The following PACS1 variants were observed in gnomAD, a reference collection of about 807,000 sequenced individuals.
PACS1 encodes the protein PACS-1.
In PACS1, 24 loss-of-function variants were observed where a neutral mutation model predicts 115.0. The ratio of observed to expected loss-of-function variants is 0.21; its 90% CI spans 0.15 to 0.29. PACS1 has a LOEUF of 0.29. PACS1 is among the 10% of genes least tolerant of loss of function. PACS1 has a pLI of 1.00. For missense variants in PACS1, 838 were observed against 1,251.2 expected, an observed-to-expected ratio of 0.67 and a Z score of 4.98; for synonymous variants, 453 against 504.5, an observed-to-expected ratio of 0.90 and a Z score of 1.37.
At chr11:66,180,668 C>G (rs1859989363) in intron 1 of PACS1, among the ~76,000 whole-genome samples, 1 of 151,690 alleles carries the variant, frequency 6.6e-6, no homozygotes, top group Admixed American at 6.6e-5. Flanking sequence ...TTTTTACTTA[C>G]TTAATTTTGA....
chr11:66,194,273 G>T (rs1204162863), intron 2 of PACS1, among the ~76,000 whole-genome samples: 1 of 152,080 alleles, frequency 6.6e-6, no homozygotes, highest in African/African-American at 2.4e-5. Context: ...CTGCACTTCA[G>T]AGGTTTTCTA....
chr11:66,177,644 T>C (rs1462434569), intron 1 of PACS1, among the ~76,000 whole-genome samples: 2 of 152,120 alleles, frequency 1.3e-5, no homozygotes, highest in Non-Finnish European at 2.9e-5. Context: ...CTGGTCTTGC[T>C]CTGTCATCCA....
At chr11:66,238,234 C>G in intron 19 of PACS1, 1 of 985,344 alleles carries the variant, frequency 1.0e-6, no homozygotes, top group Non-Finnish European at 1.2e-6. Context: ...GGTGTCCACA[C>G]CTTAGCACGT....
intron 16 of PACS1, 74 bp from the exon 17 acceptor site, chr11:66,234,058 G>T: frequency 6.6e-7 from 1 of 1,525,282 alleles, no homozygotes; most frequent in Non-Finnish European, 9.1e-7. Flanking sequence ...GACCAAGGCC[G>T]TGGCCAGGGA....
At chr11:66,129,799 C>T (rs958734082) in intron 1 of PACS1, among the ~76,000 whole-genome samples, 1 of 152,118 alleles carries the variant, frequency 6.6e-6, no homozygotes, top group African/African-American at 2.4e-5. Flanking sequence ...CTCCTTGCAG[C>T]TGTAGAGTCA....
At chr11:66,213,309 G>A (rs765209419) in intron 4 of PACS1, among the ~76,000 whole-genome samples, 1 of 152,124 alleles carries the variant, frequency 6.6e-6, no homozygotes, top group Non-Finnish European at 1.5e-5. Flanking sequence ...TTGGCCCATG[G>A]GAGCCCCTTC....
chr11:66,125,297 AAAATT>A (rs1222945143), intron 1 of PACS1, among the ~76,000 whole-genome samples: 1 of 152,166 alleles, frequency 6.6e-6, no homozygotes, highest in African/African-American at 2.4e-5. Context: ...ACGGAAATAA[AAAATT>A]AAAGTACCAC....
In PACS1 at chr11:66,233,126, A is replaced by G. The variant is rs1855633818; in HGVS notation, c.1838+60A>G. ...AGATTCCCTCTGACCTCATCTTCCA[A>G]CCCTGACTTCTAAGCAATGATAGAC... On this transcript the variant is annotated intron_variant, in intron 15 of 23. Transcript: ENST00000320580. The surrounding 1 kb of genome is among the most constrained non-coding windows in gnomAD (Gnocchi z 4.5). 3.9e-6 allele frequency: 5 copies of G among 1,271,314 alleles called. No individual in the cohort carries two copies. In the East Asian group the frequency reaches 1.2e-4, roughly 30 times the overall value. The allele number at this position is 1,271,314 out of a possible 1,614,324, so 78.8% of individuals were successfully genotyped here.
At chr11:66,240,596 G>A (rs969499119) in intron 21 of PACS1, among the ~76,000 whole-genome samples, 2 of 151,970 alleles carry the variant, frequency 1.3e-5, no homozygotes, top group African/African-American at 2.4e-5. Context: ...GTCTTCTGGA[G>A]GGAACAGTAG....
At chr11:66,200,334 G>T (rs1854757030) in intron 2 of PACS1, among the ~76,000 whole-genome samples, 1 of 152,186 alleles carries the variant, frequency 6.6e-6, no homozygotes, top group African/African-American at 2.4e-5. Flanking sequence ...TTGGGCAACA[G>T]AGTGAGACGC....
chr11:66,080,543 G>A (rs1324419286), intron 1 of PACS1, among the ~76,000 whole-genome samples: 2 of 152,170 alleles, frequency 1.3e-5, no homozygotes, highest in African/African-American at 4.8e-5. Flanking sequence ...CCAGAGCCAG[G>A]TGCTACGATC....
chr11:66,108,262 G>C (rs75508050), intron 1 of PACS1, among the ~76,000 whole-genome samples: 2 of 152,124 alleles, frequency 1.3e-5, no homozygotes, highest in African/African-American at 2.4e-5. Flanking sequence ...GTCTTCATGT[G>C]GCCTTTCCTC....
chr11:66,212,355 T>A (rs1233293135), intron 4 of PACS1, among the ~76,000 whole-genome samples: 1 of 151,476 alleles, frequency 6.6e-6, no homozygotes, highest in East Asian at 1.9e-4. Flanking sequence ...GATGGTCTCA[T>A]TCTCCTGACC....
chr11:66,070,573 T>TCAGCAGCCGCCGCCGCAGCAGCAGCAG lies in PACS1; in HGVS notation c.101_127dup (p.Pro34_Pro42dup), dbSNP rs1438611816. Reference sequence around the variant, plus strand: ...GGGGATCCGGGGTCGCCCAGTCCCCTCAGCAGCCGCCGCCGCAGCAGCAGC... The same window carrying TCAGCAGCCGCCGCCGCAGCAGCAGCAG: ...GGGGATCCGGGGTCGCCCAGTCCCCTCAGCAGCCGCCGCCGCAGCAGCAGCAGCAGCAGCCGCCGCCGCAGCAGCAGC... On this transcript the variant is annotated inframe_insertion, in exon 1 of 24. Coordinates refer to ENST00000320580, the MANE Select transcript of PACS1 (RefSeq NM_018026.4). The surrounding 1 kb of genome is among the most constrained non-coding windows in gnomAD (Gnocchi z 5.9). 72 of 1,486,668 alleles carry TCAGCAGCCGCCGCCGCAGCAGCAGCAG rather than the reference T, an allele frequency of 4.8e-5. No homozygotes were observed. Among genetic ancestry groups the TCAGCAGCCGCCGCCGCAGCAGCAGCAG allele is most frequent in the Middle Eastern group, 2.3e-4 (1 of 4,380 alleles). The allele number at this position is 1,486,668 out of a possible 1,614,324, so 92.1% of individuals were successfully genotyped here. A position where few individuals can be genotyped will look rare whatever the true frequency, so the allele number is the denominator to read the frequency against.
chr11:66,148,584 TTAAG>T (rs1197016010), intron 1 of PACS1, among the ~76,000 whole-genome samples: 3 of 152,226 alleles, frequency 2.0e-5, no homozygotes, highest in Non-Finnish European at 4.4e-5. Flanking sequence ...AAGGGACTGA[TTAAG>T]TAAGTAGTAT....
intron 1 of PACS1, among the ~76,000 whole-genome samples, chr11:66,182,068 C>T (rs1232591390): frequency 1.3e-5 from 2 of 152,204 alleles, no homozygotes; most frequent in Admixed American, 6.5e-5. Flanking sequence ...AGAGGAGCTA[C>T]TTTGGACCTG....
intron 22 of PACS1, among the ~76,000 whole-genome samples, chr11:66,242,099 G>A (rs1855827278): frequency 6.6e-6 from 1 of 152,206 alleles, no homozygotes; most frequent in Non-Finnish European, 1.5e-5. Context: ...TCAGGATTAA[G>A]GGGCATACAG....
At chr11:66,222,402 C>G (rs1451844270) in intron 10 of PACS1, among the ~76,000 whole-genome samples, 1 of 152,170 alleles carries the variant, frequency 6.6e-6, no homozygotes, top group African/African-American at 2.4e-5. Flanking sequence ...GCAGCCGGAG[C>G]CACGACCTGG....
At chr11:66,223,067 A>C (rs934986797) in intron 10 of PACS1, among the ~76,000 whole-genome samples, 1 of 151,800 alleles carries the variant, frequency 6.6e-6, no homozygotes, top group African/African-American at 2.4e-5. Context: ...AAAAAAAAAA[A>C]AAAAAAAAAA....
Sources: gnomAD v4.1 joint callset for allele counts (sites outside exome capture counted in the v4.1 genomes callset) on GRCh38, gnomAD v4.1.1 for gene constraint, Gnocchi (gnomAD v3.1) non-coding constraint, MANE v1.5 for transcripts, NCBI Gene and HGNC (gene_info 2026-07-23, HGNC 2026-07-21) for gene names.